ST6GALNAC3: variants seen among roughly 807,000 people sequenced by gnomAD.
ST6GALNAC3 encodes alpha-N-acetylgalactosaminide alpha-2,6-sialyltransferase 3.
ST6GALNAC3 carries 25 observed loss-of-function variants against 32.7 expected under a neutral mutation model. The ratio of observed to expected loss-of-function variants is 0.76; its 90% CI spans 0.56 to 1.07. ST6GALNAC3 has a LOEUF of 1.07. ST6GALNAC3 is among the 50% of genes least tolerant of loss of function. ST6GALNAC3 has a pLI of 0.00. For synonymous variants in ST6GALNAC3, 129 were observed against 133.1 expected, an observed-to-expected ratio of 0.97 and a Z score of 0.21; for missense variants, 355 against 382.4, an observed-to-expected ratio of 0.93 and a Z score of 0.60.
chr1:76,425,989 A>G (rs1180272429), intron 3 of ST6GALNAC3, among the ~76,000 whole-genome samples: 3 of 151,884 alleles, frequency 2.0e-5, no homozygotes, highest in Non-Finnish European at 4.4e-5. Context: ...AATATAGACG[A>G]TGAATCATCT....
intron 2 of ST6GALNAC3, among the ~76,000 whole-genome samples, chr1:76,389,417 T>C (rs1215853812): frequency 2.0e-5 from 3 of 152,112 alleles, no homozygotes; most frequent in African/African-American, 7.2e-5. Context: ...AGAAGCCTTG[T>C]TGATTTGGGG....
intron 2 of ST6GALNAC3, among the ~76,000 whole-genome samples, chr1:76,315,591 C>G (rs977306007): frequency 6.6e-6 from 1 of 152,042 alleles, no homozygotes; most frequent in Non-Finnish European, 1.5e-5. Context: ...TATTTTGCTC[C>G]TGCAAAGGTT....
intron 3 of ST6GALNAC3, among the ~76,000 whole-genome samples, chr1:76,621,307 T>A (rs1452075993): frequency 6.6e-6 from 1 of 152,090 alleles, no homozygotes; most frequent in African/African-American, 2.4e-5. Flanking sequence ...TTTTCCATTT[T>A]TTGTTATTTT....
chr1:76,198,614 G>GGA, intron 1 of ST6GALNAC3, among the ~76,000 whole-genome samples: 1 of 152,286 alleles, frequency 6.6e-6, no homozygotes, highest in South Asian at 2.1e-4. Flanking sequence ...GAATGGTGGA[G>GGA]GAGAGAGAGG....
chr1:76,224,619 A>T (rs533146516), intron 1 of ST6GALNAC3, among the ~76,000 whole-genome samples: 1 of 152,328 alleles, frequency 6.6e-6, no homozygotes, highest in East Asian at 1.9e-4. Context: ...ACCTCTAAGT[A>T]TTCTAAGTTT....
intron 3 of ST6GALNAC3, among the ~76,000 whole-genome samples, chr1:76,530,526 G>A (rs75140857): frequency 6.6e-5 from 10 of 152,294 alleles, no homozygotes; most frequent in Non-Finnish European, 1.0e-4. Flanking sequence ...GCTGAGAGAT[G>A]GAAAAGGGAG....
intron 3 of ST6GALNAC3, among the ~76,000 whole-genome samples, chr1:76,425,050 C>T (rs913985804): frequency 4.0e-5 from 6 of 151,750 alleles, no homozygotes; most frequent in African/African-American, 1.5e-4. Flanking sequence ...CAGATCACCC[C>T]GATGAAAATA....
At position 76,351,825 on chromosome 1, in the gene ST6GALNAC3, A is replaced by T. The variant is rs72675989; in HGVS notation, c.213+37826A>T. Among the ~76,000 whole-genome samples the T allele has an allele frequency of 5.7e-3, 872 of 152,272 alleles. 10 individuals are homozygous for T. Among genetic ancestry groups the T allele is most frequent in the Non-Finnish European group, 8.0e-3 (543 of 68,014 alleles). On this transcript the variant is annotated intron_variant, in intron 2 of 4. Transcript: ENST00000328299. ...TGTGGCCACTCTAATGATAAGTGAA[A>T]CATACATTTTCCTCTCAATACAATA...
chr1:76,075,260 G>T (rs1646798690), intron 1 of ST6GALNAC3, among the ~76,000 whole-genome samples: 1 of 152,164 alleles, frequency 6.6e-6, no homozygotes, highest in Non-Finnish European at 1.5e-5. Context: ...GAGTGGCTAG[G>T]CGTGAGTTGC....
chr1:76,242,717 T>C (rs1012438548), intron 1 of ST6GALNAC3, among the ~76,000 whole-genome samples: 1 of 152,154 alleles, frequency 6.6e-6, no homozygotes, highest in Non-Finnish European at 1.5e-5. Context: ...TGGTTTTTTG[T>C]TCCTGTTTTA....
In ST6GALNAC3 at chr1:76,560,220, A is replaced by T. The variant is rs190871667; in HGVS notation, c.624-67232A>T. ...TTTAAGACTTAAGTCTGAGACCTCA[A>T]ACTATAAAACCACTACAGGAAACAT... On this transcript the variant is annotated intron_variant, in intron 3 of 4. Transcript: ENST00000328299. Among the ~76,000 whole-genome samples, 14 of 152,292 alleles carry T rather than the reference A, an allele frequency of 9.2e-5. No homozygotes were observed. In the East Asian group the frequency reaches 2.7e-3, roughly 29 times the overall value.
intron 1 of ST6GALNAC3, among the ~76,000 whole-genome samples, chr1:76,262,837 T>C (rs1658318302): frequency 6.6e-6 from 1 of 152,172 alleles, no homozygotes; most frequent in Non-Finnish European, 1.5e-5. Flanking sequence ...ACTTCCACGT[T>C]CAAAACTATG....
intron 3 of ST6GALNAC3, among the ~76,000 whole-genome samples, chr1:76,579,867 A>G (rs762556157): frequency 1.2e-4 from 18 of 152,086 alleles, no homozygotes; most frequent in Non-Finnish European, 2.2e-4. Context: ...AAAGCACACT[A>G]TATGCTTTAT....
At chr1:76,290,539 T>G (rs1023733310) in intron 1 of ST6GALNAC3, among the ~76,000 whole-genome samples, 2 of 152,192 alleles carry the variant, frequency 1.3e-5, no homozygotes, top group African/African-American at 4.8e-5. Flanking sequence ...TGTGGGTACG[T>G]GTCTACAGCT....
chr1:76,340,109 A>AT (rs1338047998), intron 2 of ST6GALNAC3, among the ~76,000 whole-genome samples: 1 of 152,240 alleles, frequency 6.6e-6, no homozygotes, highest in Non-Finnish European at 1.5e-5. Context: ...AACATACATG[A>AT]AACCCCCTGG....
chr1:76,180,615 G>A (rs911814928), intron 1 of ST6GALNAC3, among the ~76,000 whole-genome samples: 4 of 152,106 alleles, frequency 2.6e-5, no homozygotes, highest in East Asian at 1.9e-4. Context: ...ATGAGGAGAC[G>A]AACAGATGAG....
intron 3 of ST6GALNAC3, among the ~76,000 whole-genome samples, chr1:76,417,411 T>C (rs1410373408): frequency 6.6e-6 from 1 of 152,130 alleles, no homozygotes; most frequent in Non-Finnish European, 1.5e-5. Flanking sequence ...CTTTGAATGA[T>C]TGGTATGCAT....
At chr1:76,163,322 G>A (rs1651926355) in intron 1 of ST6GALNAC3, among the ~76,000 whole-genome samples, 1 of 152,204 alleles carries the variant, frequency 6.6e-6, no homozygotes, top group South Asian at 2.1e-4. Flanking sequence ...AGAGGGCTTA[G>A]CACAATGCTG....
chr1:76,193,301 ATTTT>A (rs1249829432), intron 1 of ST6GALNAC3, among the ~76,000 whole-genome samples: 1 of 152,078 alleles, frequency 6.6e-6, no homozygotes, highest in African/African-American at 2.4e-5. Context: ...TTATTTATTT[ATTTT>A]TAATTGTCAA....
Sources: gnomAD v4.1 joint callset for allele counts (sites outside exome capture counted in the v4.1 genomes callset) on GRCh38, gnomAD v4.1.1 for gene constraint, MANE v1.5 for transcripts, NCBI Gene and HGNC (gene_info 2026-07-23, HGNC 2026-07-21) for gene names.